The following UGT2A1 variants were observed in gnomAD, a reference collection of about 807,000 sequenced individuals.
UGT2A1 encodes the protein UDP glucuronosyltransferase family 2 member A1 complex locus, also known as UDP-glucuronosyltransferase 2A1.
A neutral mutation model predicts 45.4 loss-of-function variants in UGT2A1; 61 were observed. The ratio of observed to expected loss-of-function variants is 1.34; its 90% CI spans 1.09 to 1.66. The LOEUF (loss-of-function observed/expected upper bound fraction) is 1.66. Ranked by LOEUF, UGT2A1 falls within the 40% of genes most tolerant of loss-of-function variation. The probability of loss-of-function intolerance (pLI) is 0.00; values close to 1 mark genes in which losing one functional copy is unlikely to be tolerated. For synonymous variants in UGT2A1, 229 were observed against 196.2 expected, an observed-to-expected ratio of 1.17 and a Z score of -1.40; for missense variants, 649 against 574.3, an observed-to-expected ratio of 1.13 and a Z score of -1.33.
chr4:69,623,436 A>C (rs541258084), intron 3 of UGT2A1, among the ~76,000 whole-genome samples: 28 of 151,926 alleles, frequency 1.8e-4, no homozygotes, highest in African/African-American at 6.7e-4. Context: ...GAAAAGACAA[A>C]AGCCAATATG....
At chr4:69,630,027 T>G (rs1721298003) in intron 3 of UGT2A1, among the ~76,000 whole-genome samples, 1 of 152,108 alleles carries the variant, frequency 6.6e-6, no homozygotes, top group Admixed American at 6.6e-5. Context: ...GAAAAATAAT[T>G]TACTGGAATT....
intron 4 of UGT2A1, chr4:69,596,403 T>A: frequency 1.3e-6 from 2 of 1,542,600 alleles, no homozygotes; most frequent in Non-Finnish European, 1.8e-6. Flanking sequence ...ATATATTTTC[T>A]ATTACAAAGG....
intron 3 of UGT2A1, among the ~76,000 whole-genome samples, chr4:69,612,351 A>T (rs1381387192): frequency 6.6e-6 from 1 of 152,100 alleles, no homozygotes; most frequent in African/African-American, 2.4e-5. Context: ...ACATTCAATG[A>T]CATTCATGTC....
At chr4:69,637,774 T>C (rs1244431416) in intron 2 of UGT2A1, among the ~76,000 whole-genome samples, 1 of 152,148 alleles carries the variant, frequency 6.6e-6, no homozygotes, top group East Asian at 1.9e-4. Context: ...TGATCTGTTT[T>C]GCTTATTGTT....
chr4:69,639,936 C>G (rs1288328821), intron 2 of UGT2A1, among the ~76,000 whole-genome samples: 1 of 151,910 alleles, frequency 6.6e-6, no homozygotes, highest in Non-Finnish European at 1.5e-5. Context: ...ATATTTTTCA[C>G]TAAATTGAAT....
At chr4:69,645,478 A>G (rs1219906731) in intron 2 of UGT2A1, among the ~76,000 whole-genome samples, 2 of 151,746 alleles carry the variant, frequency 1.3e-5, no homozygotes, top group African/African-American at 4.8e-5. Context: ...ACAGACTGCT[A>G]TGTGGATGTT....
intron 6 of UGT2A1, among the ~76,000 whole-genome samples, chr4:69,590,870 A>G (rs1718559155): frequency 6.6e-6 from 1 of 152,162 alleles, no homozygotes; most frequent in Admixed American, 6.5e-5. Flanking sequence ...TTTATGACTG[A>G]TATGTTAAAA....
At chr4:69,637,946 A>G (rs1721808710) in intron 2 of UGT2A1, among the ~76,000 whole-genome samples, 1 of 150,408 alleles carries the variant, frequency 6.6e-6, no homozygotes, top group Admixed American at 6.6e-5. Context: ...AAGGAAGGAA[A>G]GAAGGAAGGA....
chr4:69,613,577 C>T (rs1044499931), intron 3 of UGT2A1, among the ~76,000 whole-genome samples: 4 of 151,900 alleles, frequency 2.6e-5, no homozygotes, highest in Admixed American at 2.6e-4. Flanking sequence ...AACATCTTAA[C>T]AAAAATTTAG....
intron 3 of UGT2A1, among the ~76,000 whole-genome samples, chr4:69,615,347 C>G (rs567721159): frequency 4.1e-4 from 62 of 151,612 alleles, no homozygotes; most frequent in African/African-American, 1.5e-3. Flanking sequence ...CACAGCCATC[C>G]AAAGCAAAAA....
In UGT2A1 at chr4:69,621,371, G is replaced by A. The variant is rs546325958; in HGVS notation, c.847+14320C>T. 6.5e-4 allele frequency among the ~76,000 whole-genome samples: 99 copies of A among 152,016 alleles called. No individual in the cohort carries two copies. The South Asian group carries it at 0.02, about 31-fold the overall frequency. ...ACAGTTTGCAAAAGAAGACATACAT[G>A]CAACCATCAAGTATATTAAAAAGCT... is the stretch of plus-strand genomic sequence containing the variant. On this transcript the variant is annotated intron_variant, in intron 3 of 6. Transcript: ENST00000286604.
intron 3 of UGT2A1, among the ~76,000 whole-genome samples, chr4:69,620,933 A>C (rs937123664): frequency 2.6e-5 from 4 of 152,104 alleles, no homozygotes; most frequent in African/African-American, 9.7e-5. Flanking sequence ...TGGTGCTGGC[A>C]TAAATGGCTA....
chr4:69,649,488 A>G (rs1426510953), intron 1 of UGT2A1, among the ~76,000 whole-genome samples: 1 of 152,132 alleles, frequency 6.6e-6, no homozygotes, highest in East Asian at 1.9e-4. Context: ...GTTTTAGACA[A>G]CTAAAATATA....
intron 2 of UGT2A1, among the ~76,000 whole-genome samples, chr4:69,640,136 T>C (rs933157874): frequency 3.9e-5 from 6 of 151,966 alleles, no homozygotes; most frequent in African/African-American, 7.2e-5. Flanking sequence ...CAAGAAGATA[T>C]GGCCTGGAAC....
intron 6 of UGT2A1, among the ~76,000 whole-genome samples, chr4:69,592,123 G>C (rs1362783694): frequency 6.6e-6 from 1 of 152,062 alleles, no homozygotes; most frequent in Non-Finnish European, 1.5e-5. Context: ...GCCTGGCAAA[G>C]GTCACTGAAT....
intron 1 of UGT2A1, among the ~76,000 whole-genome samples, chr4:69,651,161 G>A (rs763128256): frequency 1.3e-5 from 2 of 152,064 alleles, no homozygotes; most frequent in Non-Finnish European, 2.9e-5. Context: ...TTGTATTTTC[G>A]AATTTAATAG....
rs1718388495 is a variant in UGT2A1 at position 69,588,604 on chromosome 4, A to T, written c.*768T>A. On this transcript the variant is annotated 3_prime_UTR_variant, in exon 7 of 7. Transcript: ENST00000286604. ...TATTTTCTAGATTTCTAATTGTTAT[A>T]TCCTCTAAATATGATCTGTTCACCT... 1 of 152,144 alleles carries T rather than the reference A, an allele frequency of 6.6e-6. No homozygotes were observed. The highest frequency in any genetic ancestry group is 2.4e-5 in the African/African-American group (1 of 41,446). The allele number at this position is 152,144 out of a possible 1,614,324, so 9.4% of individuals were successfully genotyped here.
At chr4:69,606,229 T>C (rs943209494) in intron 3 of UGT2A1, among the ~76,000 whole-genome samples, 1 of 135,984 alleles carries the variant, frequency 7.4e-6, no homozygotes, top group East Asian at 2.1e-4. Context: ...CCCACCATGA[T>C]CAAGTGGGCT....
chr4:69,630,716 A>C (rs1250170184), intron 3 of UGT2A1, among the ~76,000 whole-genome samples: 1 of 152,136 alleles, frequency 6.6e-6, no homozygotes, highest in South Asian at 2.1e-4. Flanking sequence ...AGGATGTATA[A>C]AAATTATATA....
Sources: allele counts gnomAD v4.1 joint callset (sites outside exome capture counted in the v4.1 genomes callset), GRCh38; gene constraint gnomAD v4.1.1; transcripts MANE v1.5; gene names NCBI Gene and HGNC (gene_info 2026-07-23, HGNC 2026-07-21).